The following GABRA1 variants were observed in gnomAD, a reference collection of about 807,000 sequenced individuals.
GABRA1 encodes the protein gamma-aminobutyric acid receptor subunit alpha-1.
A neutral mutation model predicts 48.9 loss-of-function variants in GABRA1; 9 were observed. The ratio of observed to expected loss-of-function variants is 0.18; its 90% CI spans 0.11 to 0.32. GABRA1 has a LOEUF of 0.32. Among genes scored for constraint, GABRA1 ranks in the 10% least tolerant of loss-of-function variants. The pLI is 1.00. For synonymous variants in GABRA1, 210 were observed against 198.7 expected, an observed-to-expected ratio of 1.06 and a Z score of -0.48; for missense variants, 285 against 553.8, an observed-to-expected ratio of 0.51 and a Z score of 4.87.
In GABRA1 at chr5:161,893,014, ATAATAAT is replaced by A. The variant is rs1561586229; in HGVS notation, c.856+1965_856+1971del. ...AGCGAGACTCCTTCTCAAAAAAATA[ATAATAAT>A]AATAATAATAATAATAATAATAATA... On this transcript the variant is annotated intron_variant, in intron 8 of 9. Transcript: ENST00000393943. Among the ~76,000 whole-genome samples, 123 of 88,832 alleles carry A rather than the reference ATAATAAT, an allele frequency of 1.4e-3. 3 individuals are homozygous for A. Among genetic ancestry groups the A allele is most frequent in the East Asian group, 4.6e-3 (17 of 3,656 alleles). The allele number at this position is 88,832 out of a possible 152,430, so 58.3% of individuals were successfully genotyped here.
chr5:161,882,419 T>C, intron 6 of GABRA1, 139 bp from the exon 7 acceptor site: 1 of 765,252 alleles, frequency 1.3e-6, no homozygotes, highest in Non-Finnish European at 2.2e-6. Context: ...TTTTGTAAAT[T>C]AAGGGACATA....
At position 161,897,169 on chromosome 5, in the gene GABRA1, C is replaced by A; in HGVS notation, c.1118C>A (p.Thr373Asn). 4 of 1,614,050 alleles carry A rather than the reference C, an allele frequency of 2.5e-6. No individual in the cohort carries two copies. The highest frequency in any genetic ancestry group is 2.5e-6 in the Non-Finnish European group (3 of 1,179,988). The change falls in exon 10 of 10, where the codon ACC (threonine) becomes AAC (asparagine). Residue 373 changes from threonine (T) to asparagine (N), a missense_variant. This residue lies in a region of GABRA1 where 99 missense variants were observed against 94.2 expected (regional missense o/e 1.05). Transcript: ENST00000393943. ...AACAACACTTACGCTCCAACAGCAA[C>A]CAGCTACACCCCTAATTTGGCCAGG... ...KKNNTYAPTA[T>N]SYTPNLARGD...
intron 8 of GABRA1, among the ~76,000 whole-genome samples, chr5:161,892,176 C>A (rs1755119912): frequency 1.3e-5 from 2 of 152,116 alleles, no homozygotes; most frequent in Non-Finnish European, 2.9e-5. Flanking sequence ...TTGGAAATCA[C>A]CACTACGTAT....
At chr5:161,888,074 T>C (rs2113436059) in intron 7 of GABRA1, among the ~76,000 whole-genome samples, 1 of 152,224 alleles carries the variant, frequency 6.6e-6, no homozygotes, top group South Asian at 2.1e-4. Flanking sequence ...TTTTGCAATA[T>C]ATCAGAAATA....
intron 5 of GABRA1, among the ~76,000 whole-genome samples, chr5:161,874,098 G>C (rs1392431628): frequency 6.6e-6 from 1 of 152,070 alleles, no homozygotes; most frequent in Admixed American, 6.6e-5. Context: ...TTAGATACGA[G>C]TTTTTTACAT....
At chr5:161,888,380 G>T (rs749496518) in intron 7 of GABRA1, among the ~76,000 whole-genome samples, 4 of 152,018 alleles carry the variant, frequency 2.6e-5, no homozygotes, top group African/African-American at 4.8e-5. Context: ...TTAGGAAAAG[G>T]TTTCAAAACA....
intron 4 of GABRA1, among the ~76,000 whole-genome samples, chr5:161,870,605 GAA>G (rs1754068906): frequency 7.8e-6 from 1 of 128,860 alleles, no homozygotes; most frequent in Non-Finnish European, 1.7e-5. Context: ...AAGAAAGAAA[GAA>G]AGGAAGAAAG....
At chr5:161,882,433 T>A in intron 6 of GABRA1, 125 bp from the exon 7 acceptor site, 1 of 892,590 alleles carries the variant, frequency 1.1e-6, no homozygotes, top group Non-Finnish European at 1.8e-6. Flanking sequence ...GGACATAAGC[T>A]CATCTTTCCT....
At chr5:161,851,166 C>T (rs1757432026) in intron 2 of GABRA1, among the ~76,000 whole-genome samples, 1 of 152,234 alleles carries the variant, frequency 6.6e-6, no homozygotes. Context: ...CTGAACAAAA[C>T]GTGCGGTTTC....
In GABRA1 at chr5:161,898,975, A is replaced by T. The variant is rs1755497604; in HGVS notation, c.*1553A>T. 1 of 152,584 alleles carries T rather than the reference A, an allele frequency of 6.6e-6. No individual in the cohort carries two copies. The highest frequency in any genetic ancestry group is 2.4e-5 in the African/African-American group (1 of 41,456). The allele number at this position is 152,584 out of a possible 1,614,324, so 9.5% of individuals were successfully genotyped here. On this transcript the variant is annotated 3_prime_UTR_variant, in exon 10 of 10. Coordinates refer to ENST00000393943, the MANE Select transcript of GABRA1 (RefSeq NM_001127644.2). ...AGGTCCATTAATACTTCCTTATAAA[A>T]ATTCTAGTCTGTTTCATTACTGCCC...
At chr5:161,889,254 A>T (rs1389762862) in intron 7 of GABRA1, among the ~76,000 whole-genome samples, 3 of 152,032 alleles carry the variant, frequency 2.0e-5, no homozygotes, top group Non-Finnish European at 2.9e-5. Flanking sequence ...AAATGGAGAA[A>T]CAAATTAAAT....
At chr5:161,891,305 T>A (rs1415577297) in intron 8 of GABRA1, among the ~76,000 whole-genome samples, 1 of 152,096 alleles carries the variant, frequency 6.6e-6, no homozygotes, top group Non-Finnish European at 1.5e-5. Flanking sequence ...AAAAATGAAG[T>A]GAAGCAGGCA....
intron 4 of GABRA1, among the ~76,000 whole-genome samples, chr5:161,871,342 T>C (rs1754113752): frequency 6.6e-6 from 1 of 152,160 alleles, no homozygotes; most frequent in South Asian, 2.1e-4. Context: ...TTCCTTCTGC[T>C]GTTGACCAAT....
chr5:161,847,606 C>T (rs1757263459), upstream of GABRA1: 1 of 152,178 alleles, frequency 6.6e-6, no homozygotes, highest in Non-Finnish European at 1.5e-5. Context: ...AGAACTCTTT[C>T]CTACCATCCG....
At chr5:161,854,367 G>A (rs2113307843) in intron 3 of GABRA1, 97 bp downstream of exon 3, 1 of 754,850 alleles carries the variant, frequency 1.3e-6, no homozygotes, top group Non-Finnish European at 2.4e-6. Flanking sequence ...AATAAAAATG[G>A]TGACATGTAA....
chr5:161,885,907 C>T (rs7732641), intron 7 of GABRA1, among the ~76,000 whole-genome samples: 26,442 of 152,028 alleles, frequency 0.17, 3,015 homozygotes, highest in African/African-American at 0.32. Flanking sequence ...GTGTCTGACA[C>T]GGTGACTGGG....
intron 1 of GABRA1, 88 bp downstream of exon 1, chr5:161,848,510 G>C (rs1465507720): frequency 1.3e-4 from 12 of 92,664 alleles, no homozygotes; most frequent in Middle Eastern, 4.8e-3. Flanking sequence ...ATAGTCGGGG[G>C]GGGGGGGCGG....
chr5:161,866,039 A>G (rs1374713086), intron 4 of GABRA1, among the ~76,000 whole-genome samples: 2 of 151,982 alleles, frequency 1.3e-5, no homozygotes, highest in African/African-American at 4.8e-5. Context: ...AATATTTTAA[A>G]TGATTGGTTT....
At chr5:161,876,379 T>C (rs1384922521) in intron 6 of GABRA1, among the ~76,000 whole-genome samples, 3 of 152,086 alleles carry the variant, frequency 2.0e-5, no homozygotes, top group African/African-American at 2.4e-5. Flanking sequence ...ATGGAGTGAG[T>C]GGGAATAATG....
Sources: allele counts gnomAD v4.1 joint callset (sites outside exome capture counted in the v4.1 genomes callset), GRCh38; gene constraint gnomAD v4.1.1; regional missense constraint gnomAD v4.1.1; transcripts MANE v1.5; gene names NCBI Gene and HGNC (gene_info 2026-07-23, HGNC 2026-07-21).